MTREX: variants seen among roughly 807,000 people sequenced by gnomAD.
MTREX encodes Mtr4 exosome RNA helicase.
MTREX carries 76 observed loss-of-function variants against 135.4 expected under a neutral mutation model. The observed-to-expected ratio is 0.56, with a 90% CI of 0.47 to 0.68. The LOEUF is 0.68. Among genes scored for constraint, MTREX ranks in the 30% least tolerant of loss-of-function variants. The probability of loss-of-function intolerance (pLI) is 0.00; values close to 1 mark genes in which losing one functional copy is unlikely to be tolerated. For missense variants in MTREX, 920 were observed against 1,262.1 expected (o/e 0.73, Z 4.11); for synonymous variants, 404 against 401.6 (o/e 1.01, Z -0.07).
chr5:55,423,226 G>A, intron 26 of MTREX: 1 of 442,516 alleles, frequency 2.3e-6, no homozygotes, highest in Non-Finnish European at 4.0e-6. Flanking sequence ...TTAAGCACTA[G>A]GGGATATAGT....
Position 55,328,711 on chromosome 5 carries a change from A to G in MTREX, c.415A>G (p.Ile139Val), listed in dbSNP as rs771340131. The change falls in exon 5 of 27, where the codon ATT becomes GTT. Residue 139 changes from isoleucine (I) to valine (V), a missense_variant. By Grantham distance (29) the Ile-to-Val change is conservative. Transcript: ENST00000230640. ...VGKAAKEYPFILDAFQREAIQ... is the reference protein window; with the variant it reads ...VGKAAKEYPFVLDAFQREAIQ... Reference sequence around the variant, plus strand: ...TTTGTTTTTATAGGAATACCCGTTCATTCTTGATGCTTTTCAAAGAGAGGC... The same window carrying G: ...TTTGTTTTTATAGGAATACCCGTTCGTTCTTGATGCTTTTCAAAGAGAGGC... 5 of 1,610,304 alleles carry G rather than the reference A, an allele frequency of 3.1e-6. No homozygotes were observed. The highest frequency in any genetic ancestry group is 3.4e-6 in the Non-Finnish European group (4 of 1,176,824).
chr5:55,308,495 G>A (rs1165735796), intron 1 of MTREX, among the ~76,000 whole-genome samples: 2 of 152,060 alleles, frequency 1.3e-5, no homozygotes, highest in Non-Finnish European at 2.9e-5. Flanking sequence ...AGGTGAAAAG[G>A]TTTAGAAAAA....
chr5:55,359,558 A>T (rs1341333650), intron 15 of MTREX, among the ~76,000 whole-genome samples: 1 of 152,212 alleles, frequency 6.6e-6, no homozygotes, highest in Non-Finnish European at 1.5e-5. Flanking sequence ...ATATGTCTTT[A>T]CATGAGTGAA....
Position 55,423,224 on chromosome 5 carries a change from T to G in MTREX, c.3076+242T>G, listed in dbSNP as rs1329442329. 9.0e-6 allele frequency: 4 copies of G among 443,846 alleles called. No homozygotes were observed. In the Admixed American group the frequency reaches 1.2e-4, roughly 13 times the overall value. 27.5% of individuals were successfully genotyped at this position (443,846 alleles called of 1,614,324 possible). On this transcript the variant is annotated intron_variant, in intron 26 of 26. Coordinates refer to ENST00000230640, the MANE Select transcript of MTREX (RefSeq NM_015360.5). ...ACATGCCAGGCATTGTTTTAAGCAC[T>G]AGGGGATATAGTGAACAAAAAGACA...
chr5:55,422,475 C>T (rs1751070059), intron 25 of MTREX, among the ~76,000 whole-genome samples: 1 of 152,118 alleles, frequency 6.6e-6, no homozygotes, highest in African/African-American at 2.4e-5. Flanking sequence ...CACTCAGGGT[C>T]CTTGAATAGC....
At chr5:55,363,329 T>C (rs1234775368) in intron 15 of MTREX, among the ~76,000 whole-genome samples, 2 of 152,204 alleles carry the variant, frequency 1.3e-5, no homozygotes, top group African/African-American at 2.4e-5. Context: ...ATGAACCATA[T>C]ATTCTAAAAT....
intron 22 of MTREX, among the ~76,000 whole-genome samples, chr5:55,407,924 CTTTT>C (rs1561211329): frequency 6.6e-6 from 1 of 151,954 alleles, no homozygotes; most frequent in Non-Finnish European, 1.5e-5. Context: ...TGGCTAATTT[CTTTT>C]TTAAGTTTCT....
intron 11 of MTREX, among the ~76,000 whole-genome samples, chr5:55,348,526 A>G (rs1284031850): frequency 6.6e-6 from 1 of 152,192 alleles, no homozygotes. Context: ...AGTAAATAAT[A>G]TCTTAAGCCA....
intron 24 of MTREX, among the ~76,000 whole-genome samples, chr5:55,415,291 A>T (rs1271210952): frequency 1.1e-4 from 17 of 152,246 alleles, no homozygotes; most frequent in African/African-American, 4.1e-4. Flanking sequence ...CTATATACCA[A>T]ACCCCTGAGT....
chr5:55,381,321 G>A (rs1341639303), intron 18 of MTREX, among the ~76,000 whole-genome samples: 1 of 151,860 alleles, frequency 6.6e-6, no homozygotes, highest in African/African-American at 2.4e-5. Context: ...TTTTCAACGT[G>A]TTAAGGTAGA....
intron 18 of MTREX, among the ~76,000 whole-genome samples, chr5:55,380,564 A>G (rs181321839): frequency 1.3e-5 from 2 of 152,082 alleles, no homozygotes; most frequent in Non-Finnish European, 2.9e-5. Context: ...TTGTATTCTG[A>G]TATGATATAT....
At chr5:55,335,454 A>G (rs1208215282) in intron 5 of MTREX, among the ~76,000 whole-genome samples, 2 of 152,058 alleles carry the variant, frequency 1.3e-5, no homozygotes, top group Non-Finnish European at 2.9e-5. Flanking sequence ...TCTTCCATTT[A>G]GATCTGTGAT....
At chr5:55,339,255 A>G (rs1357953849) in intron 5 of MTREX, among the ~76,000 whole-genome samples, 2 of 152,136 alleles carry the variant, frequency 1.3e-5, no homozygotes, top group African/African-American at 4.8e-5. Context: ...TAATGTATGT[A>G]GCATTTCTGT....
intron 16 of MTREX, among the ~76,000 whole-genome samples, chr5:55,372,865 T>C (rs1750225844): frequency 6.7e-6 from 1 of 149,588 alleles, no homozygotes; most frequent in East Asian, 2.0e-4. Flanking sequence ...AAAAAGAAAT[T>C]GGATTTTACC....
At chr5:55,363,712 A>G (rs1256491913) in intron 15 of MTREX, among the ~76,000 whole-genome samples, 1 of 152,198 alleles carries the variant, frequency 6.6e-6, no homozygotes, top group African/African-American at 2.4e-5. Context: ...CTTGCCCTCC[A>G]TGAAGACTTT....
chr5:55,388,151 T>C (rs1276607714), intron 19 of MTREX, 49 bp downstream of exon 19: 4 of 1,531,202 alleles, frequency 2.6e-6, no homozygotes, highest in South Asian at 1.2e-5. Flanking sequence ...CTGTAACTTA[T>C]TTGTCATCAC....
Position 55,378,491 on chromosome 5 carries a change from G to A in MTREX, c.1983+5G>A. The A allele has an allele frequency of 6.3e-7, 1 of 1,595,654 alleles. No individual in the cohort carries two copies. The highest frequency in any genetic ancestry group is 8.5e-7 in the Non-Finnish European group (1 of 1,174,796). On this transcript the variant is annotated splice_donor_5th_base_variant and intron_variant, in intron 17 of 26. Transcript: ENST00000230640. ...CAACCAGGTCGTTTGGTAAAGGTAT[G>A]TCATTGTTTCTTCATAAAATACTTG... is the stretch of plus-strand genomic sequence containing the variant.
chr5:55,421,559 A>G (rs945208747), intron 25 of MTREX, among the ~76,000 whole-genome samples: 2 of 152,198 alleles, frequency 1.3e-5, no homozygotes, highest in African/African-American at 2.4e-5. Context: ...TCTTTATCTT[A>G]GTAATTTACT....
At chr5:55,407,267 G>T (rs910593496) in intron 22 of MTREX, among the ~76,000 whole-genome samples, 1 of 152,068 alleles carries the variant, frequency 6.6e-6, no homozygotes, top group African/African-American at 2.4e-5. Context: ...CACCAAAAGG[G>T]GGCAGTGACT....
Sources: gnomAD v4.1 joint callset for allele counts (sites outside exome capture counted in the v4.1 genomes callset) on GRCh38, gnomAD v4.1.1 for gene constraint, MANE v1.5 for transcripts, NCBI Gene and HGNC (gene_info 2026-07-23, HGNC 2026-07-21) for gene names.